Variants in RANBP17 observed in about 807,000 individuals in gnomAD.
RANBP17 encodes the protein ran-binding protein 17.
In RANBP17, 158 loss-of-function variants were observed where a neutral mutation model predicts 141.2. That is an observed-to-expected ratio of 1.12 (90% CI 0.98 to 1.28). RANBP17 has a LOEUF of 1.28. RANBP17 is among the 50% of genes most tolerant of loss of function. The probability of loss-of-function intolerance (pLI) is 0.00; values close to 1 mark genes in which losing one functional copy is unlikely to be tolerated. For synonymous variants in RANBP17, 430 were observed against 450.0 expected (o/e 0.96, Z 0.56); for missense variants, 1,438 against 1,290.7 (o/e 1.11, Z -1.75).
At chr5:171,053,539 G>A (rs1388441912) in intron 14 of RANBP17, among the ~76,000 whole-genome samples, 7 of 151,954 alleles carry the variant, frequency 4.6e-5, no homozygotes, top group Non-Finnish European at 8.8e-5. Flanking sequence ...TAGTATATAG[G>A]AACTTAACAG....
chr5:171,252,112 T>C, intron 24 of RANBP17: 1 of 1,595,720 alleles, frequency 6.3e-7, no homozygotes, highest in Non-Finnish European at 8.6e-7. Context: ...GTTGGAGTAA[T>C]ACCTCCCAAG....
intron 1 of RANBP17, among the ~76,000 whole-genome samples, chr5:170,875,063 A>G (rs1768068654): frequency 6.6e-6 from 1 of 151,962 alleles, no homozygotes; most frequent in African/African-American, 2.4e-5. Context: ...TCTGAAATGG[A>G]TTTTATTTCT....
chr5:171,007,180 A>G (rs1007394478), intron 14 of RANBP17, among the ~76,000 whole-genome samples: 5 of 152,138 alleles, frequency 3.3e-5, no homozygotes, highest in Admixed American at 2.0e-4. Context: ...ATTCCTGTGT[A>G]TATTTAGTGG....
intron 6 of RANBP17, chr5:170,910,161 C>T (rs1308968498): frequency 6.3e-6 from 1 of 157,952 alleles, no homozygotes; most frequent in Non-Finnish European, 1.4e-5. Context: ...CATAGTTTAG[C>T]CAAGATCGTT....
intron 14 of RANBP17, among the ~76,000 whole-genome samples, chr5:171,044,391 T>C (rs1348681798): frequency 6.6e-6 from 1 of 152,042 alleles, no homozygotes; most frequent in East Asian, 1.9e-4. Flanking sequence ...GAATTTTTTA[T>C]GTTGGAAACT....
intron 25 of RANBP17, among the ~76,000 whole-genome samples, chr5:171,287,726 CTGT>C (rs1263798830): frequency 6.6e-6 from 1 of 151,756 alleles, no homozygotes; most frequent in Non-Finnish European, 1.5e-5. Flanking sequence ...TTTGTTGTTG[CTGT>C]TGTTTTTTGT....
chr5:171,146,460 T>G (rs1758035804), intron 14 of RANBP17, among the ~76,000 whole-genome samples: 1 of 152,158 alleles, frequency 6.6e-6, no homozygotes, highest in African/African-American at 2.4e-5. Flanking sequence ...GGGGTCAACA[T>G]AGTTAAGTAA....
At chr5:171,150,718 G>C (rs953777408) in intron 14 of RANBP17, among the ~76,000 whole-genome samples, 1 of 152,082 alleles carries the variant, frequency 6.6e-6, no homozygotes, top group African/African-American at 2.4e-5. Flanking sequence ...TTTGAACTCT[G>C]GTTTTTACAT....
chr5:171,190,685 GCTATTCAGTATAAAATA>G (rs1554113536), intron 18 of RANBP17, among the ~76,000 whole-genome samples: 1 of 152,162 alleles, frequency 6.6e-6, no homozygotes, highest in Non-Finnish European at 1.5e-5. Context: ...CCTCCAGGGA[GCTATTCAGTATAAAATA>G]CTTGAATAAA....
intron 14 of RANBP17, among the ~76,000 whole-genome samples, chr5:171,145,070 T>C (rs1010811300): frequency 2.0e-5 from 3 of 152,200 alleles, no homozygotes; most frequent in African/African-American, 7.2e-5. Flanking sequence ...GCTATTGTTT[T>C]ATCAAAAAGT....
chr5:170,924,802 A>G (rs975996058), intron 12 of RANBP17: 1 of 317,342 alleles, frequency 3.2e-6, no homozygotes, highest in Admixed American at 4.4e-5. Flanking sequence ...AAAATTGATA[A>G]TGGCCCTTGA....
Position 171,242,824 on chromosome 5 carries a change from A to G in RANBP17, c.2776+4A>G. The stretch of plus-strand genomic sequence containing the variant: ...TCAGAGGGACTCACTACTCTTGGTA[A>G]GGATCATAGAGGACATTGTTTCCAT... On this transcript the variant is annotated splice_donor_region_variant and intron_variant, in intron 24 of 27. Transcript: ENST00000523189. 1 of 1,612,822 alleles carries G rather than the reference A, an allele frequency of 6.2e-7. No homozygotes were observed. The highest frequency in any genetic ancestry group is 8.5e-7 in the Non-Finnish European group (1 of 1,179,158).
chr5:170,945,408 C>T (rs778328567), intron 12 of RANBP17, among the ~76,000 whole-genome samples: 1 of 152,136 alleles, frequency 6.6e-6, no homozygotes, highest in Non-Finnish European at 1.5e-5. Context: ...AATAGTTACA[C>T]TAGCCAACAT....
intron 19 of RANBP17, among the ~76,000 whole-genome samples, chr5:171,200,074 T>C (rs1294272358): frequency 2.6e-5 from 4 of 152,210 alleles, no homozygotes; most frequent in Admixed American, 2.6e-4. Flanking sequence ...TAAACACCCC[T>C]ATTCCCTCAT....
chr5:171,274,159 CGCGCGT>C lies in RANBP17; in HGVS notation c.2943+8317_2943+8322del, dbSNP rs1212263284. On this transcript the variant is annotated intron_variant, in intron 25 of 27. Transcript: ENST00000523189. Reference sequence around the variant, plus strand: ...GTGTGTGTGTGTGTGTGCGCGCGCGCGCGCGTGCGCAAAATCTAACTACTGAGGATC... The same window carrying C: ...GTGTGTGTGTGTGTGTGCGCGCGCGCGCGCAAAATCTAACTACTGAGGATC... 6.8e-3 allele frequency among the ~76,000 whole-genome samples: 968 copies of C among 141,526 alleles called. 3 individuals carry two copies. The highest frequency in any genetic ancestry group is 0.01 in the Non-Finnish European group (654 of 63,340). 92.8% of individuals were successfully genotyped at this position (141,526 alleles called of 152,430 possible). A position where few individuals can be genotyped will look rare whatever the true frequency, so the allele number is the denominator to read the frequency against.
At chr5:171,089,002 G>A (rs1283506830) in intron 14 of RANBP17, among the ~76,000 whole-genome samples, 60 of 148,188 alleles carry the variant, frequency 4.0e-4, no homozygotes, top group South Asian at 1.3e-3. Context: ...TCCGTTGCTG[G>A]TGAGGAACTG....
chr5:171,220,406 C>G (rs1581054392), intron 21 of RANBP17, among the ~76,000 whole-genome samples: 1 of 149,428 alleles, frequency 6.7e-6, no homozygotes, highest in Admixed American at 6.7e-5. Flanking sequence ...CGTAGCTGTT[C>G]CTATTTGGCC....
chr5:171,242,477 A>G (rs867160049), intron 23 of RANBP17, among the ~76,000 whole-genome samples: 11 of 152,234 alleles, frequency 7.2e-5, no homozygotes, highest in Non-Finnish European at 1.6e-4. Flanking sequence ...TGCTAACCAT[A>G]TAAGGTAAAG....
chr5:170,875,633 G>T (rs1244216318), intron 1 of RANBP17, among the ~76,000 whole-genome samples: 6 of 152,094 alleles, frequency 3.9e-5, no homozygotes, highest in African/African-American at 4.8e-5. Context: ...CAAAGTTCTC[G>T]TGCTGTGTTT....
Sources: allele counts gnomAD v4.1 joint callset (sites outside exome capture counted in the v4.1 genomes callset), GRCh38; gene constraint gnomAD v4.1.1; transcripts MANE v1.5; gene names NCBI Gene and HGNC (gene_info 2026-07-23, HGNC 2026-07-21).